KRT40: variants seen among roughly 807,000 people sequenced by gnomAD.
KRT40 encodes the protein keratin 40.
A neutral mutation model predicts 43.5 loss-of-function variants in KRT40; 47 were observed. The ratio of observed to expected loss-of-function variants is 1.08; its 90% CI spans 0.86 to 1.38. The LOEUF (loss-of-function observed/expected upper bound fraction) is 1.38, where lower values mean the gene tolerates loss of function less well. Ranked by LOEUF, KRT40 falls within the 40% of genes most tolerant of loss-of-function variation. The pLI is 0.00. For synonymous variants in KRT40, 212 were observed against 214.0 expected, an observed-to-expected ratio of 0.99 and a Z score of 0.08; for missense variants, 573 against 523.6, an observed-to-expected ratio of 1.09 and a Z score of -0.92.
chr17:40,977,975 T>C lies in KRT40; in HGVS notation c.*222A>G, dbSNP rs926571294. The C allele has an allele frequency of 4.1e-6, 2 of 492,572 alleles. No individual in the cohort carries two copies. The highest frequency in any genetic ancestry group is 7.3e-6 in the Non-Finnish European group (2 of 274,236). 30.5% of individuals were successfully genotyped at this position (492,572 alleles called of 1,614,324 possible). ...CGCTAAAGGAATAAAACACGTTTTATTTGGAGATGAGCAAGAATGCTTTAT... is the reference window on the plus strand; with the variant it reads ...CGCTAAAGGAATAAAACACGTTTTACTTGGAGATGAGCAAGAATGCTTTAT... On this transcript the variant is annotated 3_prime_UTR_variant, in exon 7 of 7. Coordinates refer to ENST00000377755, the MANE Select transcript of KRT40 (RefSeq NM_001389244.1).
upstream of KRT40, among the ~76,000 whole-genome samples, chr17:40,984,544 T>C (rs1912377656): frequency 6.6e-6 from 1 of 152,132 alleles, no homozygotes; most frequent in African/African-American, 2.4e-5. Flanking sequence ...GACAAAACAC[T>C]TATTTCAGAA....
intron 2 of KRT40, 79 bp from the exon 3 acceptor site, chr17:40,982,542 C>G: frequency 1.7e-6 from 2 of 1,203,392 alleles, no homozygotes; most frequent in Non-Finnish European, 2.2e-6. Flanking sequence ...AGGATCGACA[C>G]ACGGACTTCA....
chr17:40,980,751 G>A, intron 5 of KRT40, 34 bp downstream of exon 5: 1 of 1,552,552 alleles, frequency 6.4e-7, no homozygotes, highest in Non-Finnish European at 8.6e-7. Flanking sequence ...TGACTTATCA[G>A]TGACACAACG....
intron 1 of KRT40, among the ~76,000 whole-genome samples, chr17:40,983,584 A>G (rs974684513): frequency 2.0e-5 from 3 of 152,216 alleles, no homozygotes; most frequent in Non-Finnish European, 2.9e-5. Context: ...TCTGCATTCT[A>G]TAGATGATGA....
intron 2 of KRT40, among the ~76,000 whole-genome samples, 153 bp from the exon 3 acceptor site, chr17:40,982,616 T>A (rs1312123835): frequency 3.3e-5 from 5 of 152,044 alleles, no homozygotes; most frequent in Non-Finnish European, 5.9e-5. Flanking sequence ...TTTAAAACAT[T>A]CTTAACTTTA....
At position 40,983,705 on chromosome 17, in the gene KRT40, A is replaced by G. The variant is rs8081413; in HGVS notation, c.447+122T>C. Reference sequence around the variant, plus strand: ...TTCAGTCCGGTGCTCTCCCCTATGTATCACTAACTCTTAGAATTTTCCTTT... The same window carrying G: ...TTCAGTCCGGTGCTCTCCCCTATGTGTCACTAACTCTTAGAATTTTCCTTT... On this transcript the variant is annotated intron_variant, in intron 1 of 6. Transcript: ENST00000377755. 2,755 of 926,504 alleles carry G rather than the reference A, an allele frequency of 3.0e-3. 53 individuals carry two copies. In the African/African-American group the frequency reaches 0.038, roughly 13 times the overall value. 57.4% of individuals were successfully genotyped at this position (926,504 alleles called of 1,614,324 possible).
In KRT40 at chr17:40,983,848, G is replaced by A; in HGVS notation, c.426C>T (p.Thr142=). ...AGACCTTTTGTTGGAGATCTTCAATGGTGTTGAAGTAACGCTGATAATCCG... is the reference window on the plus strand; with the variant it reads ...AGACCTTTTGTTGGAGATCTTCAATAGTGTTGAAGTAACGCTGATAATCCG... The part of the protein sequence containing the change: ...VCPDYQRYFN[T]IEDLQQKILC... Residue 142 remains threonine, a synonymous_variant, in exon 1 of 7, where the codon ACC becomes ACT. Transcript: ENST00000377755. The A allele has an allele frequency of 6.2e-7, 1 of 1,613,908 alleles. No homozygotes were observed. The highest frequency in any genetic ancestry group is 1.1e-5 in the South Asian group (1 of 91,072).
upstream of KRT40, among the ~76,000 whole-genome samples, chr17:40,986,729 T>C (rs1265541925): frequency 7.3e-6 from 1 of 137,338 alleles, no homozygotes; most frequent in African/African-American, 3.0e-5. Flanking sequence ...TGAAAGGCCA[T>C]GATAAAAAAA....
In KRT40 at chr17:40,981,133, C is replaced by T. The variant is rs756318611; in HGVS notation, c.706G>A (p.Glu236Lys). ...ACACTGAGGCGGTCGCCAAGCTGTT[C>T]ACGAAGCAAGTTGACTTCCTGAAAG... ...NHEEEVNLLR[E>K]QLGDRLSVEL... Residue 236 changes from glutamate (E) to lysine (K), a missense_variant, in exon 4 of 7, where the codon GAA becomes AAA. Physicochemically the swap from Glu to Lys is moderately conservative, Grantham distance 56 (BLOSUM62 1). Transcript: ENST00000377755. 2 of 1,613,976 alleles carry T rather than the reference C, an allele frequency of 1.2e-6. No individual in the cohort carries two copies. Among genetic ancestry groups the T allele is most frequent in the Admixed American group, 1.7e-5 (1 of 59,996 alleles).
intron 3 of KRT40, 63 bp downstream of exon 3, chr17:40,982,244 A>C: frequency 7.3e-7 from 1 of 1,370,416 alleles, no homozygotes; most frequent in Non-Finnish European, 9.7e-7. Context: ...ACATCAACAG[A>C]TCATCTGTCA....
In KRT40 at chr17:40,978,396, T is replaced by C. The variant is rs144293136; in HGVS notation, c.1197-100A>G. 1,121 of 942,092 alleles carry C rather than the reference T, an allele frequency of 1.2e-3. 11 individuals are homozygous for C. In the African/African-American group the frequency reaches 0.016, roughly 14 times the overall value. 58.4% of individuals were successfully genotyped at this position (942,092 alleles called of 1,614,324 possible). ...AAAATTTGCCCTACAAATTATGTTC[T>C]GAAAAAAACTCTGCACAATAGCATT... On this transcript the variant is annotated intron_variant, in intron 6 of 6. Coordinates refer to ENST00000377755, the MANE Select transcript of KRT40 (RefSeq NM_001389244.1).
rs1294289737 is a variant in KRT40, at chr17:40,978,974, G to A, written c.1026C>T (p.Ser342=). Residue 342 remains serine (S), a synonymous_variant, in exon 6 of 7, where the codon TCC becomes TCT. Coordinates refer to ENST00000377755, the MANE Select transcript of KRT40 (RefSeq NM_001389244.1). ...TVAETEAQYS[S]QLAQIQCLID... The stretch of plus-strand genomic sequence containing the variant: ...TCAGACACTGAATTTGGGCCAGCTG[G>A]GAGCTGTACTGGGCCTCGGTTTCTG... 1 of 1,613,986 alleles carries A rather than the reference G, an allele frequency of 6.2e-7. No homozygotes were observed. Among genetic ancestry groups the A allele is most frequent in the South Asian group, 1.1e-5 (1 of 91,084 alleles).
At chr17:40,978,392 G>T (rs1911910770) in intron 6 of KRT40, 96 bp from the exon 7 acceptor site, 1 of 1,006,258 alleles carries the variant, frequency 9.9e-7, no homozygotes, top group Non-Finnish European at 1.6e-6. Flanking sequence ...TACAAATTAT[G>T]TTCTGAAAAA....
chr17:40,978,721 G>T, intron 6 of KRT40, 83 bp downstream of exon 6: 1 of 1,271,986 alleles, frequency 7.9e-7, no homozygotes, highest in Non-Finnish European at 1.1e-6. Flanking sequence ...GTCTGAACTT[G>T]TCCAGACTTT....
intron 6 of KRT40, 37 bp downstream of exon 6, chr17:40,978,767 G>T: frequency 6.4e-7 from 1 of 1,556,742 alleles, no homozygotes; most frequent in Non-Finnish European, 8.8e-7. Context: ...GCCTCTTTGT[G>T]ACTCTGGGGG....
At chr17:40,983,685 T>G in intron 1 of KRT40, 142 bp downstream of exon 1, 5 of 750,810 alleles carry the variant, frequency 6.7e-6, no homozygotes, top group South Asian at 3.7e-5. Context: ...TGACTTTCAG[T>G]CCGGTGCTCT....
Position 40,982,440 on chromosome 17 carries a change from C to T in KRT40, c.554G>A (p.Arg185His), listed in dbSNP as rs1369104502. The change falls in exon 3 of 7, where the codon CGC becomes CAC. Residue 185 changes from arginine (R) to histidine (H), a missense_variant. Physicochemically the swap from Arg to His is conservative, Grantham distance 29 (BLOSUM62 0). Coordinates refer to ENST00000377755, the MANE Select transcript of KRT40 (RefSeq NM_001389244.1). ...GCTGATGTCAGCCTCTAACAGCTGGCGAAGGGACAGTTCACTCTCGTACCT... is the reference window on the plus strand; with the variant it reads ...GCTGATGTCAGCCTCTAACAGCTGGTGAAGGGACAGTTCACTCTCGTACCT... ...KSKYESELSL[R>H]QLLEADISSL... The T allele has an allele frequency of 8.1e-6, 13 of 1,601,994 alleles. No individual in the cohort carries two copies. Among genetic ancestry groups the T allele is most frequent in the African/African-American group, 4.0e-5 (3 of 74,082 alleles).
chr17:40,979,129 G>A, intron 5 of KRT40, 105 bp from the exon 6 acceptor site: 2 of 788,948 alleles, frequency 2.5e-6, no homozygotes, highest in Non-Finnish European at 4.2e-6. Flanking sequence ...GTGACCACTG[G>A]CAAATTATTT....
chr17:40,983,421 T>C (rs181403507), intron 1 of KRT40, among the ~76,000 whole-genome samples: 2 of 152,334 alleles, frequency 1.3e-5, no homozygotes, highest in East Asian at 1.9e-4. Flanking sequence ...TAGTTTGTAT[T>C]ATGAGTATAT....
Sources: gnomAD v4.1 joint callset for allele counts (sites outside exome capture counted in the v4.1 genomes callset) on GRCh38, gnomAD v4.1.1 for gene constraint, MANE v1.5 for transcripts, NCBI Gene and HGNC (gene_info 2026-07-23, HGNC 2026-07-21) for gene names.